CDH18: variants seen among roughly 807,000 people sequenced by gnomAD.
The protein encoded by CDH18 is cadherin 18.
In CDH18, 31 loss-of-function variants were observed where a neutral mutation model predicts 67.9. That is an observed-to-expected ratio of 0.46 (90% confidence interval 0.34 to 0.62). The LOEUF (loss-of-function observed/expected upper bound fraction) is 0.62, where lower values mean the gene tolerates loss of function less well. Ranked by LOEUF, CDH18 falls within the 20% of genes least tolerant of loss-of-function variation. CDH18 has a pLI of 0.01. For synonymous variants in CDH18, 362 were observed against 347.2 expected (o/e 1.04, Z -0.48); for missense variants, 890 against 975.5 (o/e 0.91, Z 1.17).
At chr5:19,606,029 G>T (rs902109968) in intron 6 of CDH18, among the ~76,000 whole-genome samples, 3 of 152,128 alleles carry the variant, frequency 2.0e-5, no homozygotes, top group East Asian at 1.9e-4. Context: ...AGAGATTTCA[G>T]CAGCCATGAG....
intron 10 of CDH18, among the ~76,000 whole-genome samples, chr5:19,516,244 G>T (rs1745976778): frequency 6.6e-6 from 1 of 152,010 alleles, no homozygotes; most frequent in Admixed American, 6.6e-5. Flanking sequence ...TGCTGGATTT[G>T]GTTTGCCAGT....
intron 11 of CDH18, among the ~76,000 whole-genome samples, chr5:19,490,888 A>G (rs925334588): frequency 4.6e-5 from 7 of 152,118 alleles, no homozygotes; most frequent in Admixed American, 3.9e-4. Context: ...CAATGTTTCT[A>G]TGTTTTACAT....
At position 19,483,542 on chromosome 5, in the gene CDH18, G is replaced by T; in HGVS notation, c.1641C>A (p.Ala547=). The T allele has an allele frequency of 6.2e-7, 1 of 1,610,896 alleles. No homozygotes were observed. The highest frequency in any genetic ancestry group is 8.5e-7 in the Non-Finnish European group (1 of 1,178,238). ...ATCTCCTCCGCCTTGTCAGAATGCTGGCTGTGTTATCTATGATAGACATAA... is the reference window on the plus strand; with the variant it reads ...ATCTCCTCCGCCTTGTCAGAATGCTTGCTGTGTTATCTATGATAGACATAA... ...FTLKDNEDNT[A]SILTRRRRFS... is the part of the protein sequence containing the mutation. Residue 547 remains alanine, a synonymous_variant, in exon 12 of 13, where the codon GCC becomes GCA. Transcript: ENST00000382275.
intron 11 of CDH18, among the ~76,000 whole-genome samples, chr5:19,486,280 A>T (rs939686455): frequency 6.6e-6 from 1 of 150,500 alleles, no homozygotes; most frequent in Non-Finnish European, 1.5e-5. Context: ...AGGAAGAAGA[A>T]ATATATATAT....
intron 2 of CDH18, among the ~76,000 whole-genome samples, chr5:20,227,678 G>C (rs759657315): frequency 1.3e-5 from 2 of 151,674 alleles, no homozygotes; most frequent in African/African-American, 2.4e-5. Context: ...GTAGAGACAG[G>C]GTATCGCTAT....
chr5:20,135,389 T>C (rs950018999), intron 2 of CDH18, among the ~76,000 whole-genome samples: 7 of 152,224 alleles, frequency 4.6e-5, no homozygotes, highest in Non-Finnish European at 7.3e-5. Flanking sequence ...GAGGTGATTA[T>C]AGTGTTCTCT....
chr5:19,817,550 A>G (rs1328251584), intron 3 of CDH18, among the ~76,000 whole-genome samples: 8 of 152,094 alleles, frequency 5.3e-5, no homozygotes, highest in Non-Finnish European at 8.8e-5. Flanking sequence ...AAACTCATCA[A>G]TAAAAGTACT....
intron 2 of CDH18, among the ~76,000 whole-genome samples, chr5:20,111,167 A>G (rs1382410602): frequency 6.6e-6 from 1 of 152,172 alleles, no homozygotes; most frequent in Non-Finnish European, 1.5e-5. Context: ...TGCTCTATGT[A>G]AAGGGAGGGA....
intron 5 of CDH18, among the ~76,000 whole-genome samples, chr5:19,720,723 A>G (rs182688448): frequency 7.7e-4 from 117 of 152,296 alleles, no homozygotes; most frequent in African/African-American, 2.6e-3. Context: ...GCCAGTAAAA[A>G]ATAAAAGGAG....
chr5:20,216,687 T>G (rs987862603), intron 2 of CDH18, among the ~76,000 whole-genome samples: 3 of 151,968 alleles, frequency 2.0e-5, no homozygotes, highest in Non-Finnish European at 2.9e-5. Flanking sequence ...CATCAATTCT[T>G]GCCTGTAGAT....
chr5:20,282,043 T>C (rs1746319242), intron 1 of CDH18, among the ~76,000 whole-genome samples: 1 of 152,162 alleles, frequency 6.6e-6, no homozygotes, highest in Non-Finnish European at 1.5e-5. Context: ...AGAATACTTG[T>C]GATTTTTGCA....
At chr5:19,721,593 T>C (rs1766110336) in intron 4 of CDH18, 127 bp from the exon 5 acceptor site, 1 of 671,120 alleles carries the variant, frequency 1.5e-6, no homozygotes, top group Admixed American at 3.1e-5. Context: ...GTAAATTTAA[T>C]TAAATTTATG....
At chr5:20,527,308 G>A (rs537710011) in intron 1 of CDH18, among the ~76,000 whole-genome samples, 2 of 152,146 alleles carry the variant, frequency 1.3e-5, no homozygotes, top group South Asian at 2.1e-4. Context: ...AAAGAGATGA[G>A]GAAAATGGAA....
chr5:19,917,343 C>A (rs1276481844), intron 2 of CDH18, among the ~76,000 whole-genome samples: 1 of 149,930 alleles, frequency 6.7e-6, no homozygotes, highest in Non-Finnish European at 1.5e-5. Context: ...CTTTCCCCCC[C>A]CGCCCCCTTT....
intron 1 of CDH18, among the ~76,000 whole-genome samples, chr5:19,984,242 T>C (rs1210106721): frequency 2.6e-5 from 4 of 151,746 alleles, no homozygotes; most frequent in Non-Finnish European, 5.9e-5. Flanking sequence ...GTTGTATATA[T>C]CCATATTAAT....
intron 1 of CDH18, among the ~76,000 whole-genome samples, chr5:20,328,203 T>C (rs1431893059): frequency 6.6e-6 from 1 of 152,144 alleles, no homozygotes; most frequent in Non-Finnish European, 1.5e-5. Flanking sequence ...ATGAGGTTCA[T>C]TCTGCCTAGC....
chr5:20,420,910 C>T (rs759453879), intron 1 of CDH18, among the ~76,000 whole-genome samples: 1 of 151,096 alleles, frequency 6.6e-6, no homozygotes, highest in Admixed American at 6.6e-5. Flanking sequence ...TGCTTTTTCA[C>T]GAAAACTGAA....
intron 2 of CDH18, among the ~76,000 whole-genome samples, chr5:20,135,439 C>T (rs993998805): frequency 2.6e-5 from 4 of 151,946 alleles, no homozygotes; most frequent in Admixed American, 1.3e-4. Context: ...TGGTTATATA[C>T]CTTTTATCAT....
At position 20,438,155 on chromosome 5, in the gene CDH18, C is replaced by A. The variant is rs13356967; in HGVS notation, c.-580+137307G>T. ...CATGCTGATATATCATCCCTATTCA[C>A]GAATAAAGTACTTTCCTTTTCTACA... On this transcript the variant is annotated intron_variant, in intron 1 of 14. Transcript: ENST00000507958. Among the ~76,000 whole-genome samples, 5 of 150,520 alleles carry A rather than the reference C, an allele frequency of 3.3e-5. No individual in the cohort carries two copies. The South Asian group carries it at 1.0e-3, about 31-fold the overall frequency.
Sources: allele counts gnomAD v4.1 joint callset (sites outside exome capture counted in the v4.1 genomes callset), GRCh38; gene constraint gnomAD v4.1.1; transcripts MANE v1.5; gene names NCBI Gene and HGNC (gene_info 2026-07-23, HGNC 2026-07-21).